VKORC1: variants seen among roughly 807,000 people sequenced by gnomAD.
The protein encoded by VKORC1 is phylloquinone epoxide reductase.
In VKORC1, 12 loss-of-function variants were observed where a neutral mutation model predicts 14.8. That is an observed-to-expected ratio of 0.81 (90% CI 0.52 to 1.31). VKORC1 has a LOEUF of 1.31. Ranked by LOEUF, VKORC1 falls within the 50% of genes most tolerant of loss-of-function variation. The pLI is 0.00. For missense variants in VKORC1, 223 were observed against 215.3 expected (o/e 1.04, Z -0.22); for synonymous variants, 94 against 92.5 (o/e 1.02, Z -0.09).
chr16:31,094,090 T>C, intron 1 of VKORC1: 1 of 1,397,578 alleles, frequency 7.2e-7, no homozygotes, highest in Non-Finnish European at 9.6e-7. Context: ...AGATTATCTT[T>C]GCCCTGGACC....
At chr16:31,093,222 G>A in intron 2 of VKORC1, 90 bp downstream of exon 2, 1 of 1,336,164 alleles carries the variant, frequency 7.5e-7, no homozygotes, top group Non-Finnish European at 1.0e-6. Flanking sequence ...CAGCTGTGTG[G>A]ATCACCAAGA....
At chr16:31,092,176 CAAAAAAAAAAAAAAAA>C (rs35224256) in intron 2 of VKORC1, among the ~76,000 whole-genome samples, 2 of 37,186 alleles carry the variant, frequency 5.4e-5, no homozygotes, top group Non-Finnish European at 1.1e-4. Flanking sequence ...GACTATGTCG[CAAAAAAAAAAAAAAAA>C]AAAAAAAAAA....
chr16:31,092,447 A>C (rs1344301450), intron 2 of VKORC1, among the ~76,000 whole-genome samples: 4 of 152,078 alleles, frequency 2.6e-5, no homozygotes, highest in African/African-American at 7.2e-5. Context: ...TAAATCGGCC[A>C]AGTCTGAACC....
intron 1 of VKORC1, 165 bp from the exon 2 acceptor site, chr16:31,093,586 T>C: frequency 6.6e-7 from 1 of 1,512,180 alleles, no homozygotes; most frequent in Non-Finnish European, 8.9e-7. Flanking sequence ...CCGGGCACCT[T>C]TGGCCACGTC....
chr16:31,094,286 C>T lies in VKORC1; in HGVS notation c.173+271G>A, dbSNP rs749716639. ...CAATCTCTACCGCCATCCTGCCTCC[C>T]CGCCTTTCCTGGTCACCGTTATTCC... On this transcript the variant is annotated intron_variant, in intron 1 of 2. Transcript: ENST00000394975. The T allele has an allele frequency of 3.7e-6, 6 of 1,612,820 alleles. No homozygotes were observed. The South Asian group carries it at 6.6e-5, about 18-fold the overall frequency.
intron 1 of VKORC1, 35 bp downstream of exon 1, chr16:31,094,522 C>A (rs754340782): frequency 1.2e-6 from 2 of 1,612,566 alleles, no homozygotes; most frequent in South Asian, 2.2e-5. Flanking sequence ...GGCCGCCCTG[C>A]TCCGAGGCCC....
At chr16:31,094,099 C>G in intron 1 of VKORC1, 1 of 1,448,054 alleles carries the variant, frequency 6.9e-7, no homozygotes, top group Non-Finnish European at 9.3e-7. Flanking sequence ...TTGCCCTGGA[C>G]CCCAGAATCT....
chr16:31,094,474 C>T (rs1466166304), intron 1 of VKORC1, 83 bp downstream of exon 1: 11 of 1,612,892 alleles, frequency 6.8e-6, no homozygotes, highest in South Asian at 1.1e-5. Flanking sequence ...TCCCCGGGCA[C>T]ACCGATCCCA....
At position 31,093,318 on chromosome 16, in the gene VKORC1, A is replaced by C. The variant is rs750693957; in HGVS notation, c.277T>G (p.Leu93Val). ...FGCIFYTLQL[L>V]LGCLRTRWAS... ...AGGGGGCGGAGCCACTCACCTAACAATAGCTGTAGTGTGTAGAAGATGCAA... is the reference window on the plus strand; with the variant it reads ...AGGGGGCGGAGCCACTCACCTAACACTAGCTGTAGTGTGTAGAAGATGCAA... The change falls in exon 2 of 3, where the codon TTG becomes GTG. Residue 93 changes from leucine to valine, a missense_variant. Physicochemically the swap from Leu to Val is conservative, Grantham distance 32. Coordinates refer to ENST00000394975, the MANE Select transcript of VKORC1 (RefSeq NM_024006.6). The C allele has an allele frequency of 6.2e-7, 1 of 1,613,650 alleles. No homozygotes were observed. Among genetic ancestry groups the C allele is most frequent in the Admixed American group, 1.7e-5 (1 of 59,998 alleles).
intron 1 of VKORC1, 142 bp downstream of exon 1, chr16:31,094,415 G>A (rs147788055): frequency 6.2e-6 from 10 of 1,612,930 alleles, no homozygotes; most frequent in Non-Finnish European, 7.6e-6. Flanking sequence ...TCGCTGGGTA[G>A]CTCAGCCCCT....
At chr16:31,094,388 T>C in intron 1 of VKORC1, 169 bp downstream of exon 1, 1 of 1,612,932 alleles carries the variant, frequency 6.2e-7, no homozygotes, top group Non-Finnish European at 8.5e-7. Context: ...CTCGCACTCT[T>C]ATTTCGAACA....
At chr16:31,093,057 T>G (rs550429390) in intron 2 of VKORC1, among the ~76,000 whole-genome samples, 1 of 151,868 alleles carries the variant, frequency 6.6e-6, no homozygotes, top group Non-Finnish European at 1.5e-5. Context: ...AGACCCTGTC[T>G]CAAAACAACA....
At position 31,093,345 on chromosome 16, in the gene VKORC1, C is replaced by T. The variant is rs751483513; in HGVS notation, c.250G>A (p.Gly84Ser). 3.1e-6 allele frequency: 5 copies of T among 1,613,958 alleles called. No homozygotes were observed. Among genetic ancestry groups the T allele is most frequent in the Non-Finnish European group, 4.2e-6 (5 of 1,180,034 alleles). ...AGCTGTAGTGTGTAGAAGATGCAAC[C>T]GAATATGCTGTTGGATTGATTGAGG... ...SILNQSNSIFGCIFYTLQLLL... is the reference protein window; with the variant it reads ...SILNQSNSIFSCIFYTLQLLL... The change falls in exon 2 of 3, where the codon GGT (glycine) becomes AGT (serine). Residue 84 changes from glycine (G) to serine (S), a missense_variant. Physicochemically the swap from Gly to Ser is moderately conservative, Grantham distance 56. Transcript: ENST00000394975.
At chr16:31,093,603 C>T (rs2057305188) in intron 1 of VKORC1, 182 bp from the exon 2 acceptor site, 1 of 1,463,462 alleles carries the variant, frequency 6.8e-7, no homozygotes. Flanking sequence ...CGTCAGGATT[C>T]CATGTCACTG....
intron 2 of VKORC1, 72 bp downstream of exon 2, chr16:31,093,240 G>A: frequency 1.4e-6 from 2 of 1,466,010 alleles, no homozygotes; most frequent in Non-Finnish European, 1.9e-6. Context: ...AGATTGCATG[G>A]AGTGGGGCTG....
Position 31,091,351 on chromosome 16 carries a change from C to A in VKORC1, c.284-9G>T, listed in dbSNP as rs2143903069. On this transcript the variant is annotated splice_polypyrimidine_tract_variant and intron_variant, in intron 2 of 2. Coordinates refer to ENST00000394975, the MANE Select transcript of VKORC1 (RefSeq NM_024006.6). ...GCGTGTCCGCAGGCAACCTGCAAGG[C>A]AGAAGAGGGTCCGGTGTGGGCTTCA... is the stretch of plus-strand genomic sequence containing the variant. 1 of 1,611,844 alleles carries A rather than the reference C, an allele frequency of 6.2e-7. No individual in the cohort carries two copies. The highest frequency in any genetic ancestry group is 2.2e-5 in the East Asian group (1 of 44,820).
chr16:31,094,785 C>T lies in VKORC1; in HGVS notation c.-56G>A. The T allele has an allele frequency of 1.3e-6, 2 of 1,548,526 alleles. No individual in the cohort carries two copies. Among genetic ancestry groups the T allele is most frequent in the Non-Finnish European group, 8.7e-7 (1 of 1,152,316 alleles). ...GAGAAAACCAGCCACGGAGCAGGGG[C>T]CGGGCGGCGAATGGCCGCGCCCCTC... On this transcript the variant is annotated 5_prime_UTR_variant, in exon 1 of 3. Coordinates refer to ENST00000394975, the MANE Select transcript of VKORC1 (RefSeq NM_024006.6).
At chr16:31,093,211 T>C in intron 2 of VKORC1, 101 bp downstream of exon 2, 1 of 1,253,412 alleles carries the variant, frequency 8.0e-7, no homozygotes, top group South Asian at 1.3e-5. Context: ...TAGCTGGCTG[T>C]CAGCTGTGTG....
chr16:31,094,766 A>G lies in VKORC1; in HGVS notation c.-37T>C. ...TCCGCCCGAGGCGCCCGCGGAGAAAACCAGCCACGGAGCAGGGGCCGGGCG... is the reference window on the plus strand; with the variant it reads ...TCCGCCCGAGGCGCCCGCGGAGAAAGCCAGCCACGGAGCAGGGGCCGGGCG... On this transcript the variant is annotated 5_prime_UTR_variant, in exon 1 of 3. Coordinates refer to ENST00000394975, the MANE Select transcript of VKORC1 (RefSeq NM_024006.6). 6.4e-7 allele frequency: 1 copy of G among 1,567,506 alleles called. No individual in the cohort carries two copies. Among genetic ancestry groups the G allele is most frequent in the Non-Finnish European group, 8.6e-7 (1 of 1,161,204 alleles).
Sources: allele counts gnomAD v4.1 joint callset (sites outside exome capture counted in the v4.1 genomes callset), GRCh38; gene constraint gnomAD v4.1.1; transcripts MANE v1.5; gene names NCBI Gene and HGNC (gene_info 2026-07-23, HGNC 2026-07-21).